The following CBY2 variants were observed in gnomAD, a reference collection of about 807,000 sequenced individuals.
CBY2 encodes chibby family member 2.
CBY2 carries 23 observed loss-of-function variants against 25.3 expected under a neutral mutation model. The ratio of observed to expected loss-of-function variants is 0.91; its 90% CI spans 0.65 to 1.29. The LOEUF is 1.29. Among genes scored for constraint, CBY2 ranks in the 50% most tolerant of loss-of-function variants. The pLI, the probability that CBY2 is intolerant of heterozygous loss-of-function variation, is 0.00. For missense variants in CBY2, 642 were observed against 590.7 expected (o/e 1.09, Z -0.90); for synonymous variants, 279 against 260.2 (o/e 1.07, Z -0.70).
Position 45,702,347 on chromosome 13 carries a change from C to A in CBY2, c.-44C>A. On this transcript the variant is annotated 5_prime_UTR_variant, in exon 1 of 3. Transcript: ENST00000310521. ...ATGCCTCATTCCCACCTGTGATGCT[C>A]AGAGAGAAACCATGAGCCCTGAAAA... The A allele has an allele frequency of 6.4e-7, 1 of 1,559,308 alleles. No homozygotes were observed. Among genetic ancestry groups the A allele is most frequent in the Non-Finnish European group, 8.8e-7 (1 of 1,130,118 alleles).
Position 45,702,455 on chromosome 13 carries a change from A to G in CBY2, c.65A>G (p.Gln22Arg). 1 of 1,613,794 alleles carries G rather than the reference A, an allele frequency of 6.2e-7. No homozygotes were observed. Among genetic ancestry groups the G allele is most frequent in the Admixed American group, 1.7e-5 (1 of 60,030 alleles). Residue 22 changes from glutamine to arginine, a missense_variant, in exon 1 of 3, where the codon CAA (glutamine) becomes CGA (arginine). Gln to Arg is a conservative substitution (Grantham distance 43, BLOSUM62 1). Coordinates refer to ENST00000310521, the MANE Select transcript of CBY2 (RefSeq NM_152719.3). ...DQLLHRTYTW[Q>R]LTLHSRPNYT... is the part of the protein sequence containing the mutation. ...CTTCTGCATAGGACCTATACCTGGCAACTCACATTGGTATGGCTTTTTACT... is the reference window on the plus strand; with the variant it reads ...CTTCTGCATAGGACCTATACCTGGCGACTCACATTGGTATGGCTTTTTACT...
chr13:45,703,440 T>C, intron 2 of CBY2: 5 of 1,532,646 alleles, frequency 3.3e-6, no homozygotes, highest in Middle Eastern at 1.8e-4. Flanking sequence ...GCTGTTTCCT[T>C]AGTGGAGTCC....
At chr13:45,712,791 GAGA>G (rs1366486395) in intron 2 of CBY2, among the ~76,000 whole-genome samples, 1 of 152,226 alleles carries the variant, frequency 6.6e-6, no homozygotes, top group Admixed American at 6.5e-5. Context: ...ACATGTGTTA[GAGA>G]AGTTTTGTTT....
chr13:45,713,749 A>G lies in CBY2; in HGVS notation c.724A>G (p.Lys242Glu), dbSNP rs770891033. The change falls in exon 3 of 3, where the codon AAG becomes GAG. Residue 242 changes from lysine (K) to glutamate (E), a missense_variant. Coordinates refer to ENST00000310521, the MANE Select transcript of CBY2 (RefSeq NM_152719.3). This position sits in a 1 kb window ranked among gnomAD's most constrained non-coding sequence, Gnocchi z 5.0. ...DHVALQVPRG[K>E]EDSTLQLLRE... ...CGTCGCCCTGCAGGTGCCCCGTGGC[A>G]AGGAGGACAGCACCCTGCAGCTCCT... 6 of 1,610,156 alleles carry G rather than the reference A, an allele frequency of 3.7e-6. No homozygotes were observed. The South Asian group carries it at 6.6e-5, about 18-fold the overall frequency.
chr13:45,706,520 C>T (rs1950240468), intron 2 of CBY2, among the ~76,000 whole-genome samples: 1 of 152,224 alleles, frequency 6.6e-6, no homozygotes, highest in Non-Finnish European at 1.5e-5. Context: ...ACTTATTCCC[C>T]TTCTGCATCA....
In CBY2 at chr13:45,702,341, G is replaced by T. The variant is rs761768787; in HGVS notation, c.-50G>T. 4 of 1,520,524 alleles carry T rather than the reference G, an allele frequency of 2.6e-6. No homozygotes were observed. The South Asian group carries it at 4.5e-5, about 17-fold the overall frequency. 94.2% of individuals were successfully genotyped at this position (1,520,524 alleles called of 1,614,324 possible). A position where few individuals can be genotyped will look rare whatever the true frequency, so the allele number is the denominator to read the frequency against. ...TGTCAGATGCCTCATTCCCACCTGT[G>T]ATGCTCAGAGAGAAACCATGAGCCC... On this transcript the variant is annotated 5_prime_UTR_variant, in exon 1 of 3. It removes the in-frame stop codon of an upstream open reading frame in the 5' UTR. Coordinates refer to ENST00000310521, the MANE Select transcript of CBY2 (RefSeq NM_152719.3).
rs781050244 is a variant in CBY2 at position 45,713,827 on chromosome 13, T to G, written c.802T>G (p.Trp268Gly). ...QQLLEQKQAY[W>G]AQAEDTAAPA... The stretch of plus-strand genomic sequence containing the variant: ...GCTGCTGGAGCAGAAACAGGCCTAC[T>G]GGGCGCAGGCAGAGGACACGGCCGC... The change falls in exon 3 of 3, where the codon TGG (tryptophan) becomes GGG (glycine). Residue 268 changes from tryptophan (W) to glycine (G), a missense_variant. Coordinates refer to ENST00000310521, the MANE Select transcript of CBY2 (RefSeq NM_152719.3). This position sits in a 1 kb window ranked among gnomAD's most constrained non-coding sequence, Gnocchi z 5.0. 1 of 1,539,084 alleles carries G rather than the reference T, an allele frequency of 6.5e-7. No individual in the cohort carries two copies. Among genetic ancestry groups the G allele is most frequent in the Non-Finnish European group, 8.7e-7 (1 of 1,144,362 alleles).
chr13:45,703,639 C>T (rs1363011942), intron 2 of CBY2: 1 of 1,471,128 alleles, frequency 6.8e-7, no homozygotes. Context: ...GGAGGATTGA[C>T]CACTGGTGGG....
intron 2 of CBY2, among the ~76,000 whole-genome samples, chr13:45,710,405 C>A (rs112714162): frequency 2.6e-5 from 4 of 152,156 alleles, no homozygotes; most frequent in African/African-American, 9.7e-5. Flanking sequence ...CGCCTGTAGT[C>A]CCAGCTACTC....
rs746466287 is a variant in CBY2 at position 45,714,288 on chromosome 13, C to T, written c.1263C>T (p.Thr421=). 3 of 1,613,092 alleles carry T rather than the reference C, an allele frequency of 1.9e-6. No homozygotes were observed. The highest frequency in any genetic ancestry group is 2.2e-5 in the East Asian group (1 of 44,838). ...TCATTGACACCGTGACCGAGGTCACCGCGCGCATGGAAATGCTCATCGAGG... is the reference window on the plus strand; with the variant it reads ...TCATTGACACCGTGACCGAGGTCACTGCGCGCATGGAAATGCTCATCGAGG... ...KLVIDTVTEV[T]ARMEMLIEEL... is the part of the protein sequence containing the mutation. Residue 421 remains threonine (T), a synonymous_variant, in exon 3 of 3, where the codon ACC becomes ACT. Transcript: ENST00000310521.
chr13:45,703,166 C>CTTA, intron 2 of CBY2: 8 of 1,257,396 alleles, frequency 6.4e-6, no homozygotes, highest in Non-Finnish European at 8.0e-6. Flanking sequence ...TCTTTTGGTG[C>CTTA]TTAGTGTTGT....
rs148078236 is a variant in CBY2, at chr13:45,712,813, G to A, written c.157-369G>A. Among the ~76,000 whole-genome samples, 865 of 152,272 alleles carry A rather than the reference G, an allele frequency of 5.7e-3. 6 individuals are homozygous for A. Among genetic ancestry groups the A allele is most frequent in the Middle Eastern group, 0.027 (8 of 294 alleles). Reference sequence around the variant, plus strand: ...TTAGAGAAGTTTTGTTTGGGCATGCGTGACAGTGCTGCTGACGTGAATTTG... The same window carrying A: ...TTAGAGAAGTTTTGTTTGGGCATGCATGACAGTGCTGCTGACGTGAATTTG... On this transcript the variant is annotated intron_variant, in intron 2 of 2. Transcript: ENST00000310521.
At chr13:45,710,893 T>C (rs1950266625) in intron 2 of CBY2, among the ~76,000 whole-genome samples, 1 of 152,252 alleles carries the variant, frequency 6.6e-6, no homozygotes, top group Non-Finnish European at 1.5e-5. Context: ...CTTTAAGTTT[T>C]AAAGAATTCT....
chr13:45,707,160 G>A (rs1249456465), intron 2 of CBY2, among the ~76,000 whole-genome samples: 1 of 152,128 alleles, frequency 6.6e-6, no homozygotes, highest in Non-Finnish European at 1.5e-5. Flanking sequence ...AAAGTTACTG[G>A]AAATTTAGGG....
At chr13:45,709,659 G>A (rs1455898751) in intron 2 of CBY2, among the ~76,000 whole-genome samples, 1 of 152,224 alleles carries the variant, frequency 6.6e-6, no homozygotes, top group Non-Finnish European at 1.5e-5. Context: ...AGCGGTAGGG[G>A]AGTGGTTGTG....
chr13:45,713,231 C>T lies in CBY2; in HGVS notation c.206C>T (p.Pro69Leu). The T allele has an allele frequency of 6.2e-7, 1 of 1,613,584 alleles. No individual in the cohort carries two copies. The highest frequency in any genetic ancestry group is 2.2e-5 in the East Asian group (1 of 44,870). The change falls in exon 3 of 3, where the codon CCT becomes CTT. Residue 69 changes from proline (P) to leucine (L), a missense_variant. By Grantham distance (98) the Pro-to-Leu change is moderately conservative. Coordinates refer to ENST00000310521, the MANE Select transcript of CBY2 (RefSeq NM_152719.3). This position sits in a 1 kb window ranked among gnomAD's most constrained non-coding sequence, Gnocchi z 5.0. Reference sequence around the variant, plus strand: ...AGGCTCCACAACTTGTACAGCACCCCTCGCTGCGCGCAGCAGGCCGCCCTG... The same window carrying T: ...AGGCTCCACAACTTGTACAGCACCCTTCGCTGCGCGCAGCAGGCCGCCCTG... ...FPRLHNLYST[P>L]RCAQQAALPR...
In CBY2 at chr13:45,713,609, T is replaced by C. The variant is rs1246342336; in HGVS notation, c.584T>C (p.Ile195Thr). 19 of 1,613,536 alleles carry C rather than the reference T, an allele frequency of 1.2e-5. No individual in the cohort carries two copies. In the African/African-American group the frequency reaches 2.0e-4, roughly 17 times the overall value. Residue 195 changes from isoleucine (I) to threonine (T), a missense_variant, in exon 3 of 3, where the codon ATC becomes ACC. Transcript: ENST00000310521. The surrounding 1 kb of genome is among the most constrained non-coding windows in gnomAD (Gnocchi z 5.0). Reference protein sequence around the residue: ...ENRMLSKENKILQVFWEEHKA... With the variant: ...ENRMLSKENKTLQVFWEEHKA... Reference sequence around the variant, plus strand: ...CGGATGCTCAGCAAGGAGAACAAGATCCTACAGGTCTTCTGGGAGGAGCAC... The same window carrying C: ...CGGATGCTCAGCAAGGAGAACAAGACCCTACAGGTCTTCTGGGAGGAGCAC...
chr13:45,703,457 T>G (rs1950222473), intron 2 of CBY2: 2 of 1,544,780 alleles, frequency 1.3e-6, no homozygotes, highest in Admixed American at 4.0e-5. Context: ...GTCCTCTTGA[T>G]TGAATTGTTT....
intron 2 of CBY2, among the ~76,000 whole-genome samples, chr13:45,703,868 T>C (rs1440255410): frequency 2.0e-5 from 3 of 152,202 alleles, no homozygotes; most frequent in African/African-American, 7.2e-5. Flanking sequence ...AGGAATCTTT[T>C]TGGGCCTGAT....
Sources: gnomAD v4.1 joint callset for allele counts (sites outside exome capture counted in the v4.1 genomes callset) on GRCh38, gnomAD v4.1.1 for gene constraint, Gnocchi (gnomAD v3.1) non-coding constraint, MANE v1.5 for transcripts, NCBI Gene and HGNC (gene_info 2026-07-23, HGNC 2026-07-21) for gene names.